Variants in CNTNAP3 observed in about 807,000 individuals in gnomAD.
The protein encoded by CNTNAP3 is contactin-associated protein-like 3.
A neutral mutation model predicts 92.1 loss-of-function variants in CNTNAP3; 36 were observed. The ratio of observed to expected loss-of-function variants is 0.39; its 90% CI spans 0.30 to 0.52. The LOEUF (loss-of-function observed/expected upper bound fraction) is 0.52, where lower values mean the gene tolerates loss of function less well. Ranked by LOEUF, CNTNAP3 falls within the 20% of genes least tolerant of loss-of-function variation. The pLI is 0.76. For synonymous variants in CNTNAP3, 232 were observed against 422.3 expected (o/e 0.55, Z 5.53); for missense variants, 534 against 1,069.6 (o/e 0.50, Z 6.98).
At chr9:39,086,984 A>G (rs1826075718) in intron 19 of CNTNAP3, 135 bp from the exon 20 acceptor site, 7 of 907,772 alleles carry the variant, frequency 7.7e-6, no homozygotes, top group Middle Eastern at 3.4e-4. Context: ...AGATGCACCC[A>G]ATAGTTATCT....
At chr9:39,184,090 T>C (rs1822486570) in intron 4 of CNTNAP3, among the ~76,000 whole-genome samples, 1 of 145,144 alleles carries the variant, frequency 6.9e-6, no homozygotes, top group Non-Finnish European at 1.5e-5. Flanking sequence ...CTGTTGCATA[T>C]ATCAACAGTC....
chr9:39,125,210 G>T (rs1460563241), intron 13 of CNTNAP3, among the ~76,000 whole-genome samples: 5 of 152,040 alleles, frequency 3.3e-5, no homozygotes, highest in African/African-American at 1.2e-4. Context: ...CCTTTGTAGG[G>T]CCATGGATGA....
chr9:39,129,079 C>G (rs1308154888), intron 13 of CNTNAP3, among the ~76,000 whole-genome samples: 1 of 151,994 alleles, frequency 6.6e-6, no homozygotes, highest in African/African-American at 2.4e-5. Context: ...CTTCATTGAG[C>G]TATTATGTTT....
chr9:39,109,938 T>C (rs190577635), intron 14 of CNTNAP3, among the ~76,000 whole-genome samples: 5,868 of 152,340 alleles, frequency 0.039, 163 homozygotes, highest in Non-Finnish European at 0.061. Flanking sequence ...TCATTATTTT[T>C]TAAAGTCCTT....
chr9:39,090,295 A>G (rs1479560507), intron 18 of CNTNAP3, among the ~76,000 whole-genome samples: 1 of 152,146 alleles, frequency 6.6e-6, no homozygotes, highest in Non-Finnish European at 1.5e-5. Context: ...CTTATAAGAG[A>G]CATGATTTGC....
At chr9:39,096,351 C>T (rs550827859) in intron 18 of CNTNAP3, among the ~76,000 whole-genome samples, 4 of 149,262 alleles carry the variant, frequency 2.7e-5, no homozygotes, top group East Asian at 2.0e-4. Flanking sequence ...CTAATGCAGG[C>T]TAATAGCAGT....
intron 21 of CNTNAP3, among the ~76,000 whole-genome samples, chr9:39,081,756 C>T (rs551542197): frequency 4.2e-4 from 64 of 151,674 alleles, no homozygotes; most frequent in South Asian, 2.5e-3. Context: ...CTGTGCAATA[C>T]GGTAGACACT....
chr9:39,095,678 A>G (rs971235228), intron 18 of CNTNAP3, among the ~76,000 whole-genome samples: 3 of 142,914 alleles, frequency 2.1e-5, no homozygotes, highest in Non-Finnish European at 4.6e-5. Flanking sequence ...GATAAATCCT[A>G]CTACGTTTTG....
At chr9:39,148,113 C>T (rs915828932) in intron 10 of CNTNAP3, among the ~76,000 whole-genome samples, 8 of 152,000 alleles carry the variant, frequency 5.3e-5, no homozygotes, top group African/African-American at 1.9e-4. Flanking sequence ...GAAACCTTCC[C>T]AACTACCCTT....
Position 39,072,323 on chromosome 9 carries a change from A to T in CNTNAP3, c.*1567T>A, listed in dbSNP as rs1825648305. Among the ~76,000 whole-genome samples the T allele has an allele frequency of 6.8e-6, 1 of 146,692 alleles. No homozygotes were observed. Among genetic ancestry groups the T allele is most frequent in the Middle Eastern group, 3.4e-3 (1 of 292 alleles). On this transcript the variant is annotated 3_prime_UTR_variant, in exon 24 of 24. Coordinates refer to ENST00000297668, the MANE Select transcript of CNTNAP3 (RefSeq NM_033655.5). ...TTTCAGCTTGCCCTGATGTGGAAGAAATATACCATCTCATTAGTCCTTGGT... is the reference window on the plus strand; with the variant it reads ...TTTCAGCTTGCCCTGATGTGGAAGATATATACCATCTCATTAGTCCTTGGT...
chr9:39,113,644 C>T (rs1023202), intron 14 of CNTNAP3, among the ~76,000 whole-genome samples: 4 of 152,096 alleles, frequency 2.6e-5, no homozygotes, highest in South Asian at 2.1e-4. Flanking sequence ...AACTGACACA[C>T]GCATGAACTT....
chr9:39,090,588 CT>C (rs1176073376), intron 18 of CNTNAP3, among the ~76,000 whole-genome samples: 42 of 152,422 alleles, frequency 2.8e-4, no homozygotes, highest in African/African-American at 9.9e-4. Context: ...TCTGTTTAGT[CT>C]TAGGCCAGTT....
chr9:39,139,889 C>T (rs533064503), intron 12 of CNTNAP3: 14 of 152,246 alleles, frequency 9.2e-5, no homozygotes, highest in South Asian at 2.1e-4. Flanking sequence ...GGACTACAGG[C>T]GCGGGTGCCA....
intron 12 of CNTNAP3, among the ~76,000 whole-genome samples, chr9:39,136,374 G>A (rs1235919098): frequency 2.6e-5 from 4 of 152,116 alleles, no homozygotes; most frequent in Admixed American, 2.0e-4. Context: ...CTGTTGTCAG[G>A]AGCATACATA....
intron 9 of CNTNAP3, 113 bp from the exon 10 acceptor site, chr9:39,150,090 C>T (rs1337576583): frequency 2.0e-5 from 14 of 699,904 alleles, no homozygotes; most frequent in African/African-American, 5.4e-5. Flanking sequence ...CGGTATGATG[C>T]GATGAGCTTC....
At chr9:39,127,048 A>T (rs1003288306) in intron 13 of CNTNAP3, among the ~76,000 whole-genome samples, 1 of 152,164 alleles carries the variant, frequency 6.6e-6, no homozygotes, top group African/African-American at 2.4e-5. Context: ...AACTAAAATC[A>T]TACAAAGTAT....
At chr9:39,138,745 C>A (rs1205112694) in intron 12 of CNTNAP3, among the ~76,000 whole-genome samples, 1 of 152,198 alleles carries the variant, frequency 6.6e-6, no homozygotes, top group Non-Finnish European at 1.5e-5. Context: ...TCCAACAATT[C>A]GTCAATTAAG....
At chr9:39,081,717 A>G (rs1226433227) in intron 21 of CNTNAP3, among the ~76,000 whole-genome samples, 2 of 151,934 alleles carry the variant, frequency 1.3e-5, no homozygotes, top group Non-Finnish European at 2.9e-5. Flanking sequence ...AAAGGAAAAA[A>G]CGACTAGATA....
At chr9:39,096,546 T>C (rs1826329974) in intron 18 of CNTNAP3, among the ~76,000 whole-genome samples, 1 of 151,596 alleles carries the variant, frequency 6.6e-6, no homozygotes, top group African/African-American at 2.4e-5. Flanking sequence ...TATCATTTCT[T>C]TTTGTTAGGA....
Sources: gnomAD v4.1 joint callset for allele counts (sites outside exome capture counted in the v4.1 genomes callset) on GRCh38, gnomAD v4.1.1 for gene constraint, MANE v1.5 for transcripts, NCBI Gene and HGNC (gene_info 2026-07-23, HGNC 2026-07-21) for gene names.